UGT1A8: variants seen among roughly 807,000 people sequenced by gnomAD.
The protein encoded by UGT1A8 is UDP glucuronosyltransferase family 1 member A8.
Under a neutral mutation model 45.3 loss-of-function variants are expected in UGT1A8, and 39 were observed. The observed-to-expected ratio is 0.86, with a 90% CI of 0.67 to 1.12. The LOEUF is 1.12. UGT1A8 is among the 50% of genes most tolerant of loss of function. UGT1A8 has a pLI of 0.00. For synonymous variants in UGT1A8, 275 were observed against 249.2 expected (o/e 1.10, Z -0.97); for missense variants, 719 against 664.9 (o/e 1.08, Z -0.90).
chr2:233,636,557 T>C (rs768891851), intron 1 of UGT1A8: 3 of 1,614,124 alleles, frequency 1.9e-6, no homozygotes, highest in Admixed American at 3.3e-5. Context: ...CCCGTTCCTT[T>C]ATGTGTGTGT....
intron 1 of UGT1A8, among the ~76,000 whole-genome samples, chr2:233,758,985 G>GT (rs1383466743): frequency 1.3e-5 from 2 of 152,320 alleles, no homozygotes; most frequent in African/African-American, 4.8e-5. Flanking sequence ...TCTTGGGCCA[G>GT]TGGAATGAGT....
intron 1 of UGT1A8, among the ~76,000 whole-genome samples, chr2:233,673,233 T>C (rs1330097402): frequency 2.6e-5 from 4 of 152,208 alleles, no homozygotes; most frequent in Admixed American, 2.6e-4. Context: ...AGTATTGGGC[T>C]GGACATATTC....
At chr2:233,743,417 G>C (rs1204856342) in intron 1 of UGT1A8, 2 of 1,334,558 alleles carry the variant, frequency 1.5e-6, no homozygotes, top group African/African-American at 1.5e-5. Flanking sequence ...CCACTTCCCA[G>C]GGAGCCAAAG....
intron 1 of UGT1A8, among the ~76,000 whole-genome samples, chr2:233,731,482 G>A (rs562723642): frequency 2.0e-5 from 3 of 152,088 alleles, no homozygotes; most frequent in African/African-American, 7.2e-5. Flanking sequence ...TCCCTGGCCT[G>A]TGTCCAGTGT....
At chr2:233,624,757 A>G (rs923683410) in intron 1 of UGT1A8, among the ~76,000 whole-genome samples, 1 of 152,134 alleles carries the variant, frequency 6.6e-6, no homozygotes, top group Non-Finnish European at 1.5e-5. Flanking sequence ...ACTGGGGAGA[A>G]ACAACATCTT....
intron 1 of UGT1A8, among the ~76,000 whole-genome samples, chr2:233,623,101 C>A (rs1004078485): frequency 1.3e-5 from 2 of 152,118 alleles, no homozygotes; most frequent in South Asian, 2.1e-4. Flanking sequence ...GTCTGGGTAC[C>A]AATACGATGC....
At chr2:233,626,113 A>C (rs1301016382) in intron 1 of UGT1A8, among the ~76,000 whole-genome samples, 4 of 151,938 alleles carry the variant, frequency 2.6e-5, no homozygotes, top group Admixed American at 6.6e-5. Context: ...CTTGGTGTAA[A>C]TTTATGGAAA....
At chr2:233,656,671 G>A (rs2073860239) in intron 1 of UGT1A8, among the ~76,000 whole-genome samples, 1 of 152,126 alleles carries the variant, frequency 6.6e-6, no homozygotes, top group African/African-American at 2.4e-5. Context: ...ACTAAAGTGG[G>A]TCAGTTGTGT....
At chr2:233,656,081 C>T (rs2073847145) in intron 1 of UGT1A8, among the ~76,000 whole-genome samples, 1 of 152,034 alleles carries the variant, frequency 6.6e-6, no homozygotes, top group Non-Finnish European at 1.5e-5. Context: ...GAGCTTTATG[C>T]TGAACAAACA....
chr2:233,767,851 C>G lies in UGT1A8; in HGVS notation c.990C>G (p.Val330=), dbSNP rs752058783. 1 of 1,614,170 alleles carries G rather than the reference C, an allele frequency of 6.2e-7. No individual in the cohort carries two copies. Among genetic ancestry groups the G allele is most frequent in the Non-Finnish European group, 8.5e-7 (1 of 1,180,036 alleles). ...ADALGKIPQT[V]LWRYTGTRPS... Reference sequence around the variant, plus strand: ...TCTGCTCTTTTTGCCCCTCCCAGGTCCTGTGGCGGTACACTGGAACCCGAC... The same window carrying G: ...TCTGCTCTTTTTGCCCCTCCCAGGTGCTGTGGCGGTACACTGGAACCCGAC... The change falls in exon 3 of 5, where the codon GTC becomes GTG. Residue 330 remains valine (V), a splice_region_variant and synonymous_variant. Transcript: ENST00000373450.
At chr2:233,687,451 C>T (rs1271564164) in intron 1 of UGT1A8, among the ~76,000 whole-genome samples, 2 of 152,024 alleles carry the variant, frequency 1.3e-5, no homozygotes, top group Non-Finnish European at 2.9e-5. Flanking sequence ...TAAGTATTTA[C>T]ATGGAAGCTG....
chr2:233,631,066 G>C (rs1378366045), intron 1 of UGT1A8, among the ~76,000 whole-genome samples: 1 of 151,266 alleles, frequency 6.6e-6, no homozygotes, highest in Non-Finnish European at 1.5e-5. Context: ...ACTCCTACTT[G>C]CAACTCCAAC....
Position 233,618,398 on chromosome 2 carries a change from G to A in UGT1A8, c.691G>A (p.Ala231Thr), listed in dbSNP as rs72551325. 8.1e-6 allele frequency: 13 copies of A among 1,613,846 alleles called. No homozygotes were observed. Among genetic ancestry groups the A allele is most frequent in the Non-Finnish European group, 8.5e-6 (10 of 1,179,838 alleles). The change falls in exon 1 of 5, where the codon GCC becomes ACC. Residue 231 changes from alanine to threonine, a missense_variant. Coordinates refer to ENST00000373450, the MANE Select transcript of UGT1A8 (RefSeq NM_019076.5). Reference sequence around the variant, plus strand: ...TTTTTCCAAAAATGCCCTAGAAATAGCCTCTGAAATTCTCCAAACACCTGT... The same window carrying A: ...TTTTTCCAAAAATGCCCTAGAAATAACCTCTGAAATTCTCCAAACACCTGT... ...QYFSKNALEI[A>T]SEILQTPVTA... is the part of the protein sequence containing the mutation.
intron 1 of UGT1A8, among the ~76,000 whole-genome samples, chr2:233,630,838 C>G (rs1227151868): frequency 7.2e-6 from 1 of 139,556 alleles, no homozygotes; most frequent in East Asian, 2.1e-4. Context: ...CTCTAAAACT[C>G]TTTTTTTTTT....
intron 1 of UGT1A8, among the ~76,000 whole-genome samples, chr2:233,702,570 C>T (rs2075694124): frequency 6.6e-6 from 1 of 152,096 alleles, no homozygotes; most frequent in Admixed American, 6.5e-5. Context: ...AGTCTTTTAG[C>T]AGATTAGGTC....
chr2:233,713,138 G>C (rs753871977), intron 1 of UGT1A8: 1 of 1,614,080 alleles, frequency 6.2e-7, no homozygotes, highest in African/African-American at 1.3e-5. Flanking sequence ...AGGCCTTGCG[G>C]GACCTCCATG....
At chr2:233,729,319 G>A in intron 1 of UGT1A8, 1 of 1,614,228 alleles carries the variant, frequency 6.2e-7, no homozygotes. Context: ...CACCCCAGAG[G>A]TGAATATGCA....
At chr2:233,726,812 C>T (rs1441076374) in intron 1 of UGT1A8, among the ~76,000 whole-genome samples, 1 of 152,118 alleles carries the variant, frequency 6.6e-6, no homozygotes, top group Non-Finnish European at 1.5e-5. Flanking sequence ...GGAGGTTTTC[C>T]TCTATTCGAC....
chr2:233,765,069 C>A (rs1391556696), intron 1 of UGT1A8, among the ~76,000 whole-genome samples: 2 of 152,082 alleles, frequency 1.3e-5, no homozygotes, highest in Non-Finnish European at 2.9e-5. Context: ...CAGAGGTCTC[C>A]TGTGTCTCAC....
Sources: allele counts gnomAD v4.1 joint callset (sites outside exome capture counted in the v4.1 genomes callset), GRCh38; gene constraint gnomAD v4.1.1; transcripts MANE v1.5; gene names NCBI Gene and HGNC (gene_info 2026-07-23, HGNC 2026-07-21).